The following TNRC6C variants were observed in gnomAD, a reference collection of about 807,000 sequenced individuals.
TNRC6C encodes the protein trinucleotide repeat-containing gene 6C protein.
TNRC6C carries 20 observed loss-of-function variants against 153.7 expected under a neutral mutation model. The observed-to-expected ratio is 0.13, with a 90% CI of 0.09 to 0.19. TNRC6C has a LOEUF of 0.19. TNRC6C is among the 10% of genes least tolerant of loss of function. The probability of loss-of-function intolerance (pLI) is 1.00; values close to 1 mark genes in which losing one functional copy is unlikely to be tolerated. For missense variants in TNRC6C, 1,987 were observed against 2,172.0 expected, an observed-to-expected ratio of 0.91 and a Z score of 1.69; for synonymous variants, 811 against 841.4, an observed-to-expected ratio of 0.96 and a Z score of 0.63.
At chr17:78,036,248 T>G (rs2072176277) in intron 2 of TNRC6C, among the ~76,000 whole-genome samples, 1 of 152,214 alleles carries the variant, frequency 6.6e-6, no homozygotes, top group Admixed American at 6.5e-5. Flanking sequence ...GGTTTTAGTG[T>G]GCTTAGCGAA....
rs567958832 is a variant in TNRC6C at position 77,970,306 on chromosome 17, TAC to T, written c.-38+11040_-38+11041del. ...TGTTGCCCAGGCTGGAGTGCAGTGG[TAC>T]AGTCACAGCTCATCGCAGCCTCAGC... On this transcript the variant is annotated intron_variant, in intron 1 of 22. Coordinates refer to the TNRC6C transcript ENST00000636222. Among the ~76,000 whole-genome samples, 4 of 152,282 alleles carry T rather than the reference TAC, an allele frequency of 2.6e-5. 1 individual carries two copies. The South Asian group carries it at 8.3e-4, about 32-fold the overall frequency.
chr17:78,094,223 G>A (rs1451656912), intron 16 of TNRC6C, among the ~76,000 whole-genome samples: 4 of 151,338 alleles, frequency 2.6e-5, no homozygotes, highest in South Asian at 2.1e-4. Context: ...CTCAGGTGTC[G>A]CCCATGCTGC....
At chr17:78,083,757 A>C (rs1305213759) in intron 11 of TNRC6C, among the ~76,000 whole-genome samples, 2 of 152,262 alleles carry the variant, frequency 1.3e-5, no homozygotes, top group Non-Finnish European at 1.5e-5. Context: ...ACCCCGGTCA[A>C]GAATGGCTGA....
chr17:78,023,014 G>T (rs770035315), intron 1 of TNRC6C, among the ~76,000 whole-genome samples: 1 of 152,120 alleles, frequency 6.6e-6, no homozygotes, highest in African/African-American at 2.4e-5. Context: ...AGCTGGGCAT[G>T]GTGGTATGCA....
chr17:78,023,516 A>T (rs981903220), intron 1 of TNRC6C, among the ~76,000 whole-genome samples: 7 of 152,188 alleles, frequency 4.6e-5, no homozygotes, highest in African/African-American at 1.7e-4. Flanking sequence ...TCTAGAATAA[A>T]ACTTTTGAGC....
At chr17:77,971,633 C>T (rs190311880) in intron 1 of TNRC6C, among the ~76,000 whole-genome samples, 93 of 152,124 alleles carry the variant, frequency 6.1e-4, no homozygotes, top group Admixed American at 1.9e-3. Context: ...GAACTAATAT[C>T]GAGCCTTCAC....
chr17:77,990,474 C>A (rs2071233011), intron 1 of TNRC6C, among the ~76,000 whole-genome samples: 1 of 152,150 alleles, frequency 6.6e-6, no homozygotes, highest in Non-Finnish European at 1.5e-5. Context: ...CATCATCTTG[C>A]CGTTTCTCAA....
At chr17:78,077,038 GC>G (rs1384523020) in intron 8 of TNRC6C, 146 bp from the exon 11 acceptor site, 1 of 823,424 alleles carries the variant, frequency 1.2e-6, no homozygotes, top group Non-Finnish European at 1.8e-6. Flanking sequence ...TCTTCCTTTT[GC>G]ACATGTTCTC....
chr17:77,993,182 G>A (rs563840555), intron 1 of TNRC6C, among the ~76,000 whole-genome samples: 1 of 152,134 alleles, frequency 6.6e-6, no homozygotes, highest in South Asian at 2.1e-4. Context: ...GGCTGGTCTC[G>A]AATTCCTGAC....
intron 3 of TNRC6C, among the ~76,000 whole-genome samples, chr17:78,059,513 T>C (rs1272240877): frequency 6.6e-6 from 1 of 152,136 alleles, no homozygotes; most frequent in Non-Finnish European, 1.5e-5. Context: ...TAGCTTTAGG[T>C]ACCTTCAATT....
At position 78,079,374 on chromosome 17, in the gene TNRC6C, T is replaced by G. The variant is rs1424640622; in HGVS notation, c.3211-21T>G. ...CTCTAATGCCTGCCTTGGTAACGTG[T>G]TTAATTCTGTCCCTGTGCAGATACC... is the stretch of plus-strand genomic sequence containing the variant. On this transcript the variant is annotated intron_variant, in intron 9 of 19. Coordinates refer to ENST00000301624, the Ensembl canonical transcript of TNRC6C. This position sits in a 1 kb window ranked among gnomAD's most constrained non-coding sequence, Gnocchi z 4.3. 6.2e-7 allele frequency: 1 copy of G among 1,611,664 alleles called. No homozygotes were observed.
chr17:77,987,976 G>A (rs527530539), intron 1 of TNRC6C, among the ~76,000 whole-genome samples: 2 of 151,616 alleles, frequency 1.3e-5, no homozygotes. Context: ...CACCGTGCCC[G>A]GCCTGAAGTA....
intron 1 of TNRC6C, among the ~76,000 whole-genome samples, chr17:77,973,959 T>TTTG (rs372932549): frequency 8.1e-4 from 122 of 151,214 alleles, no homozygotes; most frequent in Middle Eastern, 6.8e-3. Flanking sequence ...CCAGAAGGCT[T>TTTG]TTGTTGTTGT....
chr17:78,092,521 T>C (rs2073411369), intron 14 of TNRC6C, among the ~76,000 whole-genome samples: 2 of 152,224 alleles, frequency 1.3e-5, no homozygotes, highest in South Asian at 4.1e-4. Flanking sequence ...AAAGACTTCT[T>C]ACTGGACAAA....
At chr17:78,095,686 G>A (rs931472658) in intron 16 of TNRC6C, among the ~76,000 whole-genome samples, 4 of 152,168 alleles carry the variant, frequency 2.6e-5, no homozygotes, top group Admixed American at 6.5e-5. Flanking sequence ...GGATACATTA[G>A]GGTTTGTTAT....
At chr17:78,059,209 C>T (rs572346109) in intron 3 of TNRC6C, among the ~76,000 whole-genome samples, 125 of 152,314 alleles carry the variant, frequency 8.2e-4, no homozygotes, top group Non-Finnish European at 1.5e-3. Context: ...CACATAACTT[C>T]GGAAATAGAT....
intron 1 of TNRC6C, among the ~76,000 whole-genome samples, chr17:77,985,293 C>T (rs1407322573): frequency 2.0e-5 from 3 of 152,116 alleles, no homozygotes; most frequent in Non-Finnish European, 4.4e-5. Context: ...TAGCCTCCAT[C>T]TTTAAAACAG....
Position 78,090,753 on chromosome 17 carries a change from C to T in TNRC6C, c.3803-687C>T, listed in dbSNP as rs1598782695. Among the ~76,000 whole-genome samples the T allele has an allele frequency of 2.6e-5, 4 of 152,276 alleles. No individual in the cohort carries two copies. The East Asian group carries it at 7.7e-4, about 29-fold the overall frequency. On this transcript the variant is annotated intron_variant, in intron 13 of 19. Transcript: ENST00000301624. ...CTCAGCTCACCATCCCAGCTGGGGG[C>T]AGATGGCAGCACCCCCGCTGTCAAA...
intron 2 of TNRC6C, among the ~76,000 whole-genome samples, chr17:78,038,539 C>T (rs573138053): frequency 6.6e-5 from 10 of 151,722 alleles, no homozygotes; most frequent in South Asian, 4.2e-4. Context: ...ATTAGCCGGG[C>T]GTGGTGGCGG....
Sources: gnomAD v4.1 joint callset for allele counts (sites outside exome capture counted in the v4.1 genomes callset) on GRCh38, gnomAD v4.1.1 for gene constraint, Gnocchi (gnomAD v3.1) non-coding constraint, MANE v1.5 for transcripts, NCBI Gene and HGNC (gene_info 2026-07-23, HGNC 2026-07-21) for gene names.